ZNF44: variants seen among roughly 807,000 people sequenced by gnomAD.
The protein encoded by ZNF44 is gonadotropin inducible transcription repressor-2.
In ZNF44, 9 loss-of-function variants were observed where a neutral mutation model predicts 11.7. That is an observed-to-expected ratio of 0.77 (90% CI 0.46 to 1.35). The LOEUF is 1.35. ZNF44 is among the 40% of genes most tolerant of loss of function. The pLI is 0.00. For synonymous variants in ZNF44, 224 were observed against 242.7 expected (o/e 0.92, Z 0.72); for missense variants, 696 against 743.1 (o/e 0.94, Z 0.74).
downstream of ZNF44, among the ~76,000 whole-genome samples, chr19:12,268,163 CACACACACACACACACACA>C (rs1568438381): frequency 7.0e-6 from 1 of 143,628 alleles, no homozygotes; most frequent in Non-Finnish European, 1.5e-5. Flanking sequence ...CACACACACA[CACACACACACACACACACA>C]AGCTCCTTCC....
downstream of ZNF44, among the ~76,000 whole-genome samples, chr19:12,244,365 C>T (rs543100749): frequency 2.0e-5 from 3 of 152,246 alleles, no homozygotes; most frequent in South Asian, 2.1e-4. Flanking sequence ...CTTGTTGGTG[C>T]GTCCCAGGCC....
chr19:12,245,793 T>C (rs754994138), downstream of ZNF44, among the ~76,000 whole-genome samples: 2 of 152,166 alleles, frequency 1.3e-5, no homozygotes, highest in Admixed American at 6.6e-5. Context: ...AGAATCTTTT[T>C]TTTTTCCATG....
At chr19:12,277,644 A>G (rs1252839007) in intron 1 of ZNF44, among the ~76,000 whole-genome samples, 2 of 152,258 alleles carry the variant, frequency 1.3e-5, no homozygotes, top group Non-Finnish European at 2.9e-5. Context: ...AAAGTGAAAA[A>G]TGATAGAAAA....
At chr19:12,237,436 G>A in intron 1 of ZNF44, 1 of 165,932 alleles carries the variant, frequency 6.0e-6, no homozygotes, top group Non-Finnish European at 1.3e-5. Context: ...CCTCCCACCC[G>A]GCCTTGCACA....
At chr19:12,282,875 G>GT (rs1249206024) in intron 1 of ZNF44, among the ~76,000 whole-genome samples, 1 of 152,168 alleles carries the variant, frequency 6.6e-6, no homozygotes, top group Non-Finnish European at 1.5e-5. Context: ...TCTGAATCAT[G>GT]TTTTGCTGAT....
intron 1 of ZNF44, among the ~76,000 whole-genome samples, chr19:12,235,876 A>C (rs913110277): frequency 2.0e-5 from 3 of 152,126 alleles, no homozygotes; most frequent in Non-Finnish European, 4.4e-5. Context: ...CACCCTATAA[A>C]ATTTCCAAAA....
intron 7 of ZNF44, among the ~76,000 whole-genome samples, chr19:12,249,066 T>C (rs1331127620): frequency 2.0e-5 from 3 of 151,796 alleles, no homozygotes; most frequent in African/African-American, 7.3e-5. Context: ...GCACCTGCCA[T>C]TGCGCCCGGC....
chr19:12,268,139 CACACAG>C (rs1202565384), downstream of ZNF44, among the ~76,000 whole-genome samples: 8 of 128,568 alleles, frequency 6.2e-5, no homozygotes, highest in African/African-American at 2.3e-4. Flanking sequence ...CTTACACACA[CACACAG>C]ACACACACAC....
At chr19:12,293,299 A>G in intron 1 of ZNF44, 1 of 1,536,972 alleles carries the variant, frequency 6.5e-7, no homozygotes, top group Non-Finnish European at 8.7e-7. Flanking sequence ...CCAAGGGCCG[A>G]TATCCACTAG....
chr19:12,257,622 C>CTAAAAATATAAAATT (rs1917313398), intron 5 of ZNF44, among the ~76,000 whole-genome samples: 1 of 146,762 alleles, frequency 6.8e-6, no homozygotes. Flanking sequence ...TCCGTCTCTA[C>CTAAAAATATAAAATT]TAAAAATATA....
intron 5 of ZNF44, among the ~76,000 whole-genome samples, chr19:12,257,112 T>G (rs960491865): frequency 6.6e-6 from 1 of 152,180 alleles, no homozygotes; most frequent in African/African-American, 2.4e-5. Context: ...TGAGGTTCCC[T>G]GAATAGAAAC....
chr19:12,290,532 G>A (rs973759543), intron 1 of ZNF44, among the ~76,000 whole-genome samples: 22 of 142,960 alleles, frequency 1.5e-4, no homozygotes, highest in African/African-American at 3.6e-4. Context: ...AAACCCCATC[G>A]CTACTAAAAA....
In ZNF44 at chr19:12,284,049, T is replaced by A. The variant is rs532409921; in HGVS notation, c.4-7967A>T. ...AATAAATTTAAAAGATAAACCACCA[T>A]CTGAAAGGAAATATTACCAATCCCT... On this transcript the variant is annotated intron_variant, in intron 1 of 3. Coordinates refer to ENST00000355684, the MANE Select transcript of ZNF44 (RefSeq NM_016264.4). Among the ~76,000 whole-genome samples, 655 of 152,174 alleles carry A rather than the reference T, an allele frequency of 4.3e-3. 4 individuals carry two copies. The highest frequency in any genetic ancestry group is 6.0e-3 in the Non-Finnish European group (410 of 68,008).
intron 1 of ZNF44, among the ~76,000 whole-genome samples, chr19:12,235,348 G>T (rs1422808826): frequency 6.6e-6 from 1 of 152,090 alleles, no homozygotes; most frequent in Non-Finnish European, 1.5e-5. Context: ...CGACCTGGGC[G>T]AAAGAGCGAG....
intron 1 of ZNF44, among the ~76,000 whole-genome samples, chr19:12,236,398 T>C (rs1020526190): frequency 2.6e-5 from 4 of 152,232 alleles, no homozygotes; most frequent in African/African-American, 9.6e-5. Flanking sequence ...ATGTAGCTTG[T>C]AAATTACCAA....
chr19:12,260,475 C>T, intron 5 of ZNF44: 1 of 1,335,278 alleles, frequency 7.5e-7, no homozygotes, highest in Non-Finnish European at 1.1e-6. Context: ...CAGCGCCATC[C>T]TGTGCAGCCA....
At chr19:12,247,958 A>G (rs1403671323) in exon 8 of ZNF44, 2 of 1,351,280 alleles carry the variant, frequency 1.5e-6, no homozygotes, top group Admixed American at 2.0e-5. Flanking sequence ...GTTTCTCTCC[A>G]GTATGAGTCT....
Position 12,272,214 on chromosome 19 carries a change from A to T in ZNF44, c.*193T>A. ...AGAGACAGGGTTTCCCATGTTAGCC[A>T]GGCTGGTCTCGATCTCCTGGCCTCG... is the stretch of plus-strand genomic sequence containing the variant. On this transcript the variant is annotated 3_prime_UTR_variant, in exon 4 of 4. Transcript: ENST00000355684. The T allele has an allele frequency of 1.1e-6, 1 of 888,266 alleles. No individual in the cohort carries two copies. 55.0% of individuals were successfully genotyped at this position (888,266 alleles called of 1,614,324 possible). A position where few individuals can be genotyped will look rare whatever the true frequency, so the allele number is the denominator to read the frequency against.
At chr19:12,235,946 GGAGAGGCACAAAAGAGTAAGTGCACCC>G (rs940377172) in intron 1 of ZNF44, among the ~76,000 whole-genome samples, 27 of 152,258 alleles carry the variant, frequency 1.8e-4, no homozygotes, top group Admixed American at 1.6e-3. Flanking sequence ...GATAAAAGGA[GGAGAGGCACAAAAGAGTAAGTGCACCC>G]GAGTTTCATG....
Sources: allele counts gnomAD v4.1 joint callset (sites outside exome capture counted in the v4.1 genomes callset), GRCh38; gene constraint gnomAD v4.1.1; transcripts MANE v1.5; gene names NCBI Gene and HGNC (gene_info 2026-07-23, HGNC 2026-07-21).